Variants in ASCC1 observed in about 807,000 individuals in gnomAD.
ASCC1 encodes the protein ASC-1 complex subunit P50.
ASCC1 carries 35 observed loss-of-function variants against 46.6 expected under a neutral mutation model. The observed-to-expected ratio is 0.75, with a 90% CI of 0.57 to 0.99. The LOEUF is 0.99. Ranked by LOEUF, ASCC1 falls within the 50% of genes least tolerant of loss-of-function variation. The pLI is 0.00. For missense variants in ASCC1, 376 were observed against 428.7 expected, an observed-to-expected ratio of 0.88 and a Z score of 1.09; for synonymous variants, 143 against 146.6, an observed-to-expected ratio of 0.98 and a Z score of 0.18.
At chr10:72,213,427 G>A (rs1378026087) in intron 1 of ASCC1, 96 bp from the exon 2 acceptor site, 2 of 700,154 alleles carry the variant, frequency 2.9e-6, no homozygotes. Context: ...TTGGGCATCA[G>A]TTCACAGTAT....
At chr10:72,105,309 TGG>T (rs1842223652) in intron 9 of ASCC1, among the ~76,000 whole-genome samples, 2 of 152,156 alleles carry the variant, frequency 1.3e-5, no homozygotes, top group Non-Finnish European at 2.9e-5. Context: ...TGGGGATCGC[TGG>T]CACCCTCACC....
At chr10:72,119,132 T>C (rs905456486) in intron 9 of ASCC1, among the ~76,000 whole-genome samples, 2 of 152,224 alleles carry the variant, frequency 1.3e-5, no homozygotes, top group Admixed American at 6.5e-5. Flanking sequence ...TGCTAGAGGC[T>C]GTGTGGACAA....
chr10:72,184,515 T>C (rs1564715111), intron 5 of ASCC1, among the ~76,000 whole-genome samples: 1 of 152,136 alleles, frequency 6.6e-6, no homozygotes, highest in African/African-American at 2.4e-5. Context: ...AGAATGGTTA[T>C]ATTAACATCA....
At chr10:72,207,064 C>T (rs145479348) in intron 3 of ASCC1, among the ~76,000 whole-genome samples, 1 of 152,226 alleles carries the variant, frequency 6.6e-6, no homozygotes, top group African/African-American at 2.4e-5. Context: ...ATACTGGCAC[C>T]TTTTCAGTTA....
At chr10:72,175,302 G>C (rs1292251561) in intron 5 of ASCC1, among the ~76,000 whole-genome samples, 1 of 152,192 alleles carries the variant, frequency 6.6e-6, no homozygotes, top group Non-Finnish European at 1.5e-5. Context: ...GCACACAGTA[G>C]TATGGAATAA....
At chr10:72,210,654 A>T in intron 3 of ASCC1, 78 bp downstream of exon 3, 1 of 1,131,738 alleles carries the variant, frequency 8.8e-7, no homozygotes, top group East Asian at 2.4e-5. Flanking sequence ...TGCAATAAGT[A>T]TGGAAGACCA....
intron 6 of ASCC1, among the ~76,000 whole-genome samples, chr10:72,159,906 T>C (rs1849423361): frequency 1.3e-5 from 2 of 148,222 alleles, no homozygotes; most frequent in Admixed American, 1.3e-4. Flanking sequence ...ACAGTTTCTT[T>C]TTTTTTTTTT....
rs1841090161 is a variant in ASCC1, at chr10:72,096,351, T to C, written c.*983A>G. On this transcript the variant is annotated 3_prime_UTR_variant, in exon 10 of 10. Coordinates refer to ENST00000672957, the MANE Select transcript of ASCC1 (RefSeq NM_001198800.3). ...AGGGAACTCTGCACAGTCCTGCTGATATCATCAGTTTCTTTTGCTGCTGCC... is the reference window on the plus strand; with the variant it reads ...AGGGAACTCTGCACAGTCCTGCTGACATCATCAGTTTCTTTTGCTGCTGCC... 1 of 453,962 alleles carries C rather than the reference T, an allele frequency of 2.2e-6. No homozygotes were observed. The highest frequency in any genetic ancestry group is 4.4e-6 in the Non-Finnish European group (1 of 226,802). The allele number at this position is 453,962 out of a possible 1,614,324, so 28.1% of individuals were successfully genotyped here.
intron 7 of ASCC1, among the ~76,000 whole-genome samples, chr10:72,150,200 A>G (rs1280146410): frequency 6.6e-6 from 1 of 152,078 alleles, no homozygotes; most frequent in Non-Finnish European, 1.5e-5. Flanking sequence ...AAAAAAAAGA[A>G]AAATCTGGCA....
chr10:72,211,968 G>A (rs748760379), intron 2 of ASCC1, among the ~76,000 whole-genome samples: 4 of 152,140 alleles, frequency 2.6e-5, no homozygotes, highest in East Asian at 1.9e-4. Flanking sequence ...AGGATCACCC[G>A]AAGTCAGGAG....
chr10:72,126,401 C>T (rs75841141), intron 9 of ASCC1, among the ~76,000 whole-genome samples: 3,084 of 152,312 alleles, frequency 0.02, 38 homozygotes, highest in Non-Finnish European at 0.032. Flanking sequence ...ACATTCATAT[C>T]ATCACTGGGG....
chr10:72,201,844 G>A lies in ASCC1; in HGVS notation c.310+1583C>T, dbSNP rs1805161939. 2.0e-5 allele frequency among the ~76,000 whole-genome samples: 3 copies of A among 152,100 alleles called. No homozygotes were observed. The South Asian group carries it at 6.2e-4, about 32-fold the overall frequency. On this transcript the variant is annotated intron_variant, in intron 4 of 9. Transcript: ENST00000672957. ...AGACCCAGCTATGCAAGGCTGAGATGAGAGGATTGATTGAGTCCAGGAGGT... is the reference window on the plus strand; with the variant it reads ...AGACCCAGCTATGCAAGGCTGAGATAAGAGGATTGATTGAGTCCAGGAGGT...
At chr10:72,103,000 G>A (rs1434413812) in intron 9 of ASCC1, 1 of 447,158 alleles carries the variant, frequency 2.2e-6, no homozygotes, top group South Asian at 1.6e-5. Context: ...AAAGATCAAA[G>A]TGAACTAGAA....
intron 4 of ASCC1, among the ~76,000 whole-genome samples, chr10:72,203,039 C>A (rs564329560): frequency 6.6e-6 from 1 of 152,246 alleles, no homozygotes; most frequent in East Asian, 1.9e-4. Flanking sequence ...ATAATCCCAA[C>A]ACTTTGGGAG....
At chr10:72,173,609 G>A (rs897781859) in intron 5 of ASCC1, among the ~76,000 whole-genome samples, 3 of 152,076 alleles carry the variant, frequency 2.0e-5, no homozygotes, top group African/African-American at 4.8e-5. Flanking sequence ...ATGGAGAAAC[G>A]CTCTAAATTC....
intron 9 of ASCC1, among the ~76,000 whole-genome samples, chr10:72,125,739 T>G (rs192996075): frequency 3.3e-5 from 5 of 152,302 alleles, no homozygotes. Context: ...AGTAAAATAT[T>G]AAATACTATA....
At chr10:72,163,612 G>A (rs1323238016) in intron 5 of ASCC1, among the ~76,000 whole-genome samples, 1 of 151,942 alleles carries the variant, frequency 6.6e-6, no homozygotes, top group Non-Finnish European at 1.5e-5. Flanking sequence ...GTGTGTGCCT[G>A]TAATCCCAGC....
intron 5 of ASCC1, among the ~76,000 whole-genome samples, chr10:72,164,730 C>A (rs1316850011): frequency 6.6e-6 from 1 of 152,160 alleles, no homozygotes; most frequent in African/African-American, 2.4e-5. Context: ...ATTGGCTGAA[C>A]TAACAAACAT....
rs141417823 is a variant in ASCC1 at position 72,205,072 on chromosome 10, C to A, written c.213-1548G>T. ...TCACTTATCAAAATGAAGTGAGAGGCTGACGCAGAAGGATCCCTTAAGCCC... is the reference window on the plus strand; with the variant it reads ...TCACTTATCAAAATGAAGTGAGAGGATGACGCAGAAGGATCCCTTAAGCCC... On this transcript the variant is annotated intron_variant, in intron 3 of 9. Coordinates refer to ENST00000672957, the MANE Select transcript of ASCC1 (RefSeq NM_001198800.3). Among the ~76,000 whole-genome samples the A allele has an allele frequency of 1.2e-3, 178 of 152,366 alleles. 1 individual carries two copies. The highest frequency in any genetic ancestry group is 4.1e-3 in the African/African-American group (170 of 41,594).
Sources: allele counts gnomAD v4.1 joint callset (sites outside exome capture counted in the v4.1 genomes callset), GRCh38; gene constraint gnomAD v4.1.1; transcripts MANE v1.5; gene names NCBI Gene and HGNC (gene_info 2026-07-23, HGNC 2026-07-21).